The following ADAMTS2 variants were observed in gnomAD, a reference collection of about 807,000 sequenced individuals.
ADAMTS2 encodes A disintegrin and metalloproteinase with thrombospondin motifs 2.
A neutral mutation model predicts 123.0 loss-of-function variants in ADAMTS2; 50 were observed. That is an observed-to-expected ratio of 0.41 (90% CI 0.32 to 0.51). ADAMTS2 has a LOEUF of 0.51. Ranked by LOEUF, ADAMTS2 falls within the 20% of genes least tolerant of loss-of-function variation. ADAMTS2 has a pLI of 0.35. For synonymous variants in ADAMTS2, 678 were observed against 695.4 expected, an observed-to-expected ratio of 0.98 and a Z score of 0.39; for missense variants, 1,494 against 1,705.2, an observed-to-expected ratio of 0.88 and a Z score of 2.18.
At chr5:179,241,725 T>A (rs780953865) in intron 3 of ADAMTS2, among the ~76,000 whole-genome samples, 1 of 152,250 alleles carries the variant, frequency 6.6e-6, no homozygotes, top group Non-Finnish European at 1.5e-5. Context: ...AAAAGTGTAG[T>A]CAAAAGAGAT....
intron 3 of ADAMTS2, among the ~76,000 whole-genome samples, chr5:179,231,408 A>G (rs1387061213): frequency 1.3e-5 from 2 of 152,178 alleles, no homozygotes. Flanking sequence ...TCTTTCCACA[A>G]AAGCAAACAA....
At chr5:179,186,680 A>G (rs765467459) in intron 4 of ADAMTS2, among the ~76,000 whole-genome samples, 1 of 152,228 alleles carries the variant, frequency 6.6e-6, no homozygotes, top group African/African-American at 2.4e-5. Context: ...TGCAGAGCAG[A>G]GAGTCGACTG....
At chr5:179,245,804 A>AAAAC in intron 3 of ADAMTS2, among the ~76,000 whole-genome samples, 1 of 143,090 alleles carries the variant, frequency 7.0e-6, no homozygotes, top group Non-Finnish European at 1.5e-5. Flanking sequence ...AACAAAAAAA[A>AAAAC]CAAAGATGGG....
chr5:179,141,981 T>A (rs1465532745), intron 10 of ADAMTS2, among the ~76,000 whole-genome samples: 2 of 151,936 alleles, frequency 1.3e-5, no homozygotes, highest in African/African-American at 4.8e-5. Flanking sequence ...ACCATTCCCA[T>A]CTAGTGAGCA....
In ADAMTS2 at chr5:179,336,302, C is replaced by T. The variant is rs114269130; in HGVS notation, c.534+7465G>A. Among the ~76,000 whole-genome samples the T allele has an allele frequency of 1.1e-3, 166 of 152,344 alleles. 1 individual carries two copies. Among genetic ancestry groups the T allele is most frequent in the African/African-American group, 3.8e-3 (157 of 41,574 alleles). On this transcript the variant is annotated intron_variant, in intron 2 of 21. Transcript: ENST00000251582. ...AAAAGTTAGGGTGCACGCAGAAAGG[C>T]GCATGTAGCTTTGCATCGGTGAGGC...
intron 11 of ADAMTS2, among the ~76,000 whole-genome samples, chr5:179,138,579 A>G (rs1763105385): frequency 6.6e-6 from 1 of 152,238 alleles, no homozygotes; most frequent in Admixed American, 6.5e-5. Flanking sequence ...ATGCCCAGCA[A>G]TCTCTTTCCG....
At chr5:179,250,382 A>C (rs1483712141) in intron 3 of ADAMTS2, among the ~76,000 whole-genome samples, 6 of 152,208 alleles carry the variant, frequency 3.9e-5, no homozygotes, top group Non-Finnish European at 7.3e-5. Flanking sequence ...TTCTTGAGGG[A>C]AAATGGGGAA....
intron 3 of ADAMTS2, among the ~76,000 whole-genome samples, chr5:179,251,831 C>T (rs1765933143): frequency 6.6e-6 from 1 of 151,838 alleles, no homozygotes; most frequent in Non-Finnish European, 1.5e-5. Flanking sequence ...GTGCACAGGC[C>T]AAATTCAGAT....
chr5:179,302,585 G>A (rs537531594), intron 2 of ADAMTS2, among the ~76,000 whole-genome samples: 1 of 152,014 alleles, frequency 6.6e-6, no homozygotes, highest in African/African-American at 2.4e-5. Flanking sequence ...TGGCCACAAA[G>A]GTGCATTCAC....
At chr5:179,250,557 T>C (rs1053107479) in intron 3 of ADAMTS2, among the ~76,000 whole-genome samples, 1 of 152,136 alleles carries the variant, frequency 6.6e-6, no homozygotes, top group African/African-American at 2.4e-5. Flanking sequence ...AAACCCACCA[T>C]AAAGGAAAGA....
Position 179,181,864 on chromosome 5 carries a change from G to C in ADAMTS2, c.892-709C>G, listed in dbSNP as rs890270767. 6.7e-6 allele frequency among the ~76,000 whole-genome samples: 1 copy of C among 150,048 alleles called. No individual in the cohort carries two copies. Among genetic ancestry groups the C allele is most frequent in the African/African-American group, 2.4e-5 (1 of 41,302 alleles). On this transcript the variant is annotated intron_variant, in intron 4 of 21. Coordinates refer to ENST00000251582, the MANE Select transcript of ADAMTS2 (RefSeq NM_014244.5). This position sits in a 1 kb window ranked among gnomAD's most constrained non-coding sequence, Gnocchi z 4.1. Reference sequence around the variant, plus strand: ...AAAGGGACCCGTGGCACAAAAACAGGGGGGTGAACTCCCCTTCTACAGAAC... The same window carrying C: ...AAAGGGACCCGTGGCACAAAAACAGCGGGGTGAACTCCCCTTCTACAGAAC...
intron 2 of ADAMTS2, among the ~76,000 whole-genome samples, chr5:179,283,757 G>A (rs1407136351): frequency 6.6e-6 from 1 of 151,236 alleles, no homozygotes; most frequent in Non-Finnish European, 1.5e-5. Context: ...CAGACGTGGT[G>A]GTGCACACCT....
At position 179,153,479 on chromosome 5, in the gene ADAMTS2, C is replaced by A. The variant is rs1054559168; in HGVS notation, c.1515+12G>T. On this transcript the variant is annotated intron_variant, in intron 9 of 21. Transcript: ENST00000251582. ...ACCTGGGAGGGTCCCGGCTGCAGGG[C>A]TGCACACTCACCGCCGTGCACATCA... 1 of 1,606,846 alleles carries A rather than the reference C, an allele frequency of 6.2e-7. No individual in the cohort carries two copies.
chr5:179,296,157 C>T (rs1468844620), intron 2 of ADAMTS2, among the ~76,000 whole-genome samples: 2 of 152,134 alleles, frequency 1.3e-5, no homozygotes, highest in East Asian at 3.9e-4. Context: ...AGAATGACCA[C>T]AGGATCCACA....
At chr5:179,265,761 C>T (rs544270757) in intron 3 of ADAMTS2, among the ~76,000 whole-genome samples, 3 of 152,368 alleles carry the variant, frequency 2.0e-5, no homozygotes, top group East Asian at 3.9e-4. Flanking sequence ...CCCAAGGGCC[C>T]GGTCTGCACG....
rs1436108534 is a variant in ADAMTS2, at chr5:179,130,086, A to C, written c.2303T>G (p.Leu768Arg). Reference protein sequence around the residue: ...ATSHHLAVKNLETGKFILNEE... With the variant: ...ATSHHLAVKNRETGKFILNEE... ...ATTTAAGATGAACTTGCCTGTCTCCAGGTTCTTGACGGCTGAGAATGGCAA... is the reference window on the plus strand; with the variant it reads ...ATTTAAGATGAACTTGCCTGTCTCCCGGTTCTTGACGGCTGAGAATGGCAA... The change falls in exon 16 of 22, where the codon CTG (leucine) becomes CGG (arginine). Residue 768 changes from leucine (L) to arginine (R), a missense_variant. By Grantham distance (102) the Leu-to-Arg change is moderately radical. Transcript: ENST00000251582. The surrounding 1 kb of genome is among the most constrained non-coding windows in gnomAD (Gnocchi z 4.3). 6.2e-7 allele frequency: 1 copy of C among 1,613,914 alleles called. No individual in the cohort carries two copies. The highest frequency in any genetic ancestry group is 8.5e-7 in the Non-Finnish European group (1 of 1,180,038).
chr5:179,264,092 G>A (rs907969993), intron 3 of ADAMTS2, among the ~76,000 whole-genome samples: 7 of 152,090 alleles, frequency 4.6e-5, no homozygotes, highest in African/African-American at 1.7e-4. Flanking sequence ...GCTGCTGCTG[G>A]GGAAGAGCTT....
chr5:179,130,836 C>T lies in ADAMTS2; in HGVS notation c.2291-738G>A, dbSNP rs1390097255. Among the ~76,000 whole-genome samples, 1 of 152,142 alleles carries T rather than the reference C, an allele frequency of 6.6e-6. No individual in the cohort carries two copies. The highest frequency in any genetic ancestry group is 1.5e-5 in the Non-Finnish European group (1 of 68,038). On this transcript the variant is annotated intron_variant, in intron 15 of 21. Transcript: ENST00000251582. The surrounding 1 kb of genome is among the most constrained non-coding windows in gnomAD (Gnocchi z 4.3). Reference sequence around the variant, plus strand: ...CACAAACAAAGCCTCTGCTTGGTGCCACACGTCCCTGCCTTCTCTCTGGCC... The same window carrying T: ...CACAAACAAAGCCTCTGCTTGGTGCTACACGTCCCTGCCTTCTCTCTGGCC...
chr5:179,163,680 G>A (rs138189733), intron 5 of ADAMTS2, among the ~76,000 whole-genome samples: 184 of 152,302 alleles, frequency 1.2e-3, no homozygotes, highest in African/African-American at 4.2e-3. Flanking sequence ...TTCAGCCTGG[G>A]TTCCCAGCCC....
Sources: gnomAD v4.1 joint callset for allele counts (sites outside exome capture counted in the v4.1 genomes callset) on GRCh38, gnomAD v4.1.1 for gene constraint, Gnocchi (gnomAD v3.1) non-coding constraint, MANE v1.5 for transcripts, NCBI Gene and HGNC (gene_info 2026-07-23, HGNC 2026-07-21) for gene names.